Variants in ZDHHC14 observed in about 807,000 individuals in gnomAD.
ZDHHC14 encodes palmitoyltransferase ZDHHC14.
ZDHHC14 carries 16 observed loss-of-function variants against 47.7 expected under a neutral mutation model. That is an observed-to-expected ratio of 0.34 (90% CI 0.23 to 0.51). The LOEUF is 0.51. Among genes scored for constraint, ZDHHC14 ranks in the 20% least tolerant of loss-of-function variants. The pLI, the probability that ZDHHC14 is intolerant of heterozygous loss-of-function variation, is 0.97. For synonymous variants in ZDHHC14, 293 were observed against 278.9 expected (o/e 1.05, Z -0.50); for missense variants, 515 against 662.5 (o/e 0.78, Z 2.44).
chr6:157,399,761 C>G (rs1044021535), intron 1 of ZDHHC14, among the ~76,000 whole-genome samples: 1 of 152,356 alleles, frequency 6.6e-6, no homozygotes, highest in South Asian at 2.1e-4. Context: ...TTCTCCATGG[C>G]CCCTTTCCAT....
At chr6:157,666,312 C>A (rs1383717407) in intron 8 of ZDHHC14, among the ~76,000 whole-genome samples, 3 of 152,046 alleles carry the variant, frequency 2.0e-5, no homozygotes, top group African/African-American at 7.2e-5. Context: ...TTTTAAATAC[C>A]CCAATCCAGT....
intron 2 of ZDHHC14, among the ~76,000 whole-genome samples, chr6:157,563,626 A>T (rs1026079150): frequency 6.6e-6 from 1 of 152,138 alleles, no homozygotes; most frequent in Non-Finnish European, 1.5e-5. Flanking sequence ...ATAGGATGTA[A>T]AAAAGATTGG....
intron 3 of ZDHHC14, among the ~76,000 whole-genome samples, chr6:157,616,118 C>T (rs1285320331): frequency 6.6e-6 from 1 of 152,130 alleles, no homozygotes. Context: ...CTGGAAGGCC[C>T]TGTTGGCAAC....
At chr6:157,397,328 C>T (rs1265187691) in intron 1 of ZDHHC14, among the ~76,000 whole-genome samples, 1 of 152,220 alleles carries the variant, frequency 6.6e-6, no homozygotes, top group Non-Finnish European at 1.5e-5. Context: ...GATTATCTTA[C>T]AGTCTGTACA....
chr6:157,543,649 C>T (rs1411420525), intron 2 of ZDHHC14, among the ~76,000 whole-genome samples: 1 of 152,200 alleles, frequency 6.6e-6, no homozygotes, highest in African/African-American at 2.4e-5. Flanking sequence ...TATTCTGGTC[C>T]TACCATTCCC....
intron 2 of ZDHHC14, among the ~76,000 whole-genome samples, chr6:157,566,885 C>T (rs1782925012): frequency 6.8e-6 from 1 of 146,020 alleles, no homozygotes; most frequent in Non-Finnish European, 1.5e-5. Flanking sequence ...GAGTCTTGCT[C>T]TGTCGCCCAG....
chr6:157,530,071 CA>C (rs1781309290), intron 1 of ZDHHC14, among the ~76,000 whole-genome samples: 3 of 152,062 alleles, frequency 2.0e-5, no homozygotes, highest in African/African-American at 7.2e-5. Flanking sequence ...GGTACTCAAT[CA>C]AAAAAATGTG....
At chr6:157,410,229 T>C (rs1320889822) in intron 1 of ZDHHC14, among the ~76,000 whole-genome samples, 2 of 152,170 alleles carry the variant, frequency 1.3e-5, no homozygotes, top group Non-Finnish European at 1.5e-5. Flanking sequence ...ATTTTTTTGT[T>C]TTTTCATGGA....
intron 1 of ZDHHC14, among the ~76,000 whole-genome samples, chr6:157,399,466 C>T (rs1462946963): frequency 1.3e-5 from 2 of 152,214 alleles, no homozygotes; most frequent in African/African-American, 4.8e-5. Context: ...TTCGGGCGGG[C>T]TTAGGTCTCT....
intron 1 of ZDHHC14, among the ~76,000 whole-genome samples, chr6:157,442,715 T>A (rs1400952186): frequency 6.6e-6 from 1 of 152,236 alleles, no homozygotes; most frequent in Non-Finnish European, 1.5e-5. Context: ...GTGGCCCAAG[T>A]CTGAAGCCCG....
chr6:157,532,124 C>T lies in ZDHHC14; in HGVS notation c.246-10461C>T, dbSNP rs1385605002. On this transcript the variant is annotated intron_variant, in intron 1 of 8. Coordinates refer to ENST00000359775, the MANE Select transcript of ZDHHC14 (RefSeq NM_024630.3). ...CACAGCAGGCGTCTCCTGGTGGCAC[C>T]AGCAGCCACACCCCTGGGCCACCTC... is the stretch of plus-strand genomic sequence containing the variant. Among the ~76,000 whole-genome samples, 4 of 152,216 alleles carry T rather than the reference C, an allele frequency of 2.6e-5. No individual in the cohort carries two copies. The South Asian group carries it at 6.2e-4, about 24-fold the overall frequency.
At chr6:157,640,001 A>G (rs1366798301) in intron 5 of ZDHHC14, among the ~76,000 whole-genome samples, 3 of 152,200 alleles carry the variant, frequency 2.0e-5, no homozygotes, top group Admixed American at 6.5e-5. Context: ...TCGCAGCCTC[A>G]TAGGAAATGT....
intron 1 of ZDHHC14, among the ~76,000 whole-genome samples, chr6:157,497,590 C>T (rs142834727): frequency 0.011 from 1,699 of 152,262 alleles, 23 homozygotes; most frequent in Middle Eastern, 0.034. Context: ...GCACCTCCAT[C>T]CCATTTACAG....
intron 1 of ZDHHC14, among the ~76,000 whole-genome samples, chr6:157,535,196 A>T (rs947123176): frequency 1.3e-5 from 2 of 152,174 alleles, no homozygotes; most frequent in Non-Finnish European, 2.9e-5. Context: ...CTCTCTGTTC[A>T]CGCAAGTGCT....
At position 157,674,695 on chromosome 6, in the gene ZDHHC14, G is replaced by T. The variant is rs1385552296; in HGVS notation, c.*1573G>T. 1 of 152,166 alleles carries T rather than the reference G, an allele frequency of 6.6e-6. No individual in the cohort carries two copies. Among genetic ancestry groups the T allele is most frequent in the African/African-American group, 2.4e-5 (1 of 41,414 alleles). 9.4% of individuals were successfully genotyped at this position (152,166 alleles called of 1,614,324 possible). ...AGGCTATTACTCCTGAGAAAGAGTT[G>T]CCATTTTATATAAAAGAAAAGAAGA... On this transcript the variant is annotated 3_prime_UTR_variant, in exon 9 of 9. Coordinates refer to ENST00000359775, the MANE Select transcript of ZDHHC14 (RefSeq NM_024630.3).
intron 1 of ZDHHC14, among the ~76,000 whole-genome samples, chr6:157,511,507 A>C (rs1780483674): frequency 6.8e-6 from 1 of 146,240 alleles, no homozygotes; most frequent in Non-Finnish European, 1.5e-5. Flanking sequence ...CAGCCTCCCG[A>C]GTAGCTGGGA....
chr6:157,670,591 G>C (rs549886034), intron 8 of ZDHHC14, among the ~76,000 whole-genome samples: 1 of 152,042 alleles, frequency 6.6e-6, no homozygotes, highest in Non-Finnish European at 1.5e-5. Context: ...CACTGTGCCC[G>C]GCCGCCTTCC....
intron 1 of ZDHHC14, among the ~76,000 whole-genome samples, chr6:157,536,819 C>CTTTT (rs768063106): frequency 0.013 from 1,233 of 97,974 alleles, 276 homozygotes; most frequent in Non-Finnish European, 0.02. Context: ...CTCCATCTAT[C>CTTTT]TTTTTTTTTT....
chr6:157,555,849 C>T (rs1025120517), intron 2 of ZDHHC14, among the ~76,000 whole-genome samples: 1 of 152,132 alleles, frequency 6.6e-6, no homozygotes, highest in Non-Finnish European at 1.5e-5. Flanking sequence ...CCAAATGTCC[C>T]CTTGGGCACA....
Sources: allele counts gnomAD v4.1 joint callset (sites outside exome capture counted in the v4.1 genomes callset), GRCh38; gene constraint gnomAD v4.1.1; transcripts MANE v1.5; gene names NCBI Gene and HGNC (gene_info 2026-07-23, HGNC 2026-07-21).